Variants in MCOLN3 observed in about 807,000 individuals in gnomAD.
The protein encoded by MCOLN3 is mucolipin TRP cation channel 3.
A neutral mutation model predicts 69.4 loss-of-function variants in MCOLN3; 62 were observed. The ratio of observed to expected loss-of-function variants is 0.89; its 90% CI spans 0.73 to 1.10. The LOEUF (loss-of-function observed/expected upper bound fraction) is 1.10. Among genes scored for constraint, MCOLN3 ranks in the 50% least tolerant of loss-of-function variants. The pLI, the probability that MCOLN3 is intolerant of heterozygous loss-of-function variation, is 0.00. For synonymous variants in MCOLN3, 183 were observed against 217.0 expected (o/e 0.84, Z 1.38); for missense variants, 564 against 656.4 (o/e 0.86, Z 1.54).
At chr1:85,040,870 A>T in intron 3 of MCOLN3, 140 bp downstream of exon 3, 2 of 793,084 alleles carry the variant, frequency 2.5e-6, no homozygotes, top group Non-Finnish European at 3.7e-6. Flanking sequence ...TTAAAAAATT[A>T]AAAATAATTT....
At chr1:85,022,533 T>C in intron 9 of MCOLN3, 133 bp from the exon 10 acceptor site, 1 of 607,136 alleles carries the variant, frequency 1.6e-6, no homozygotes, top group Non-Finnish European at 2.9e-6. Flanking sequence ...AAGTCTCTGC[T>C]CTCATAAAGC....
intron 11 of MCOLN3, 76 bp from the exon 12 acceptor site, chr1:85,021,352 TTAAACA>T: frequency 8.0e-7 from 1 of 1,249,576 alleles, no homozygotes; most frequent in Non-Finnish European, 1.1e-6. Flanking sequence ...TGACATTGTA[TTAAACA>T]TAAAGGGACC....
At position 85,018,493 on chromosome 1, in the gene MCOLN3, A is replaced by G. The variant is rs1651769068; in HGVS notation, c.*630T>C. The G allele has an allele frequency of 6.6e-6, 1 of 152,410 alleles. No individual in the cohort carries two copies. The allele number at this position is 152,410 out of a possible 1,614,324, so 9.4% of individuals were successfully genotyped here. On this transcript the variant is annotated 3_prime_UTR_variant, in exon 13 of 13. Transcript: ENST00000370589. ...ATACCATCTAGGTTTGTGGAAGTAC[A>G]TGCTATGATGTTTAATGACAAAATC...
intron 2 of MCOLN3, among the ~76,000 whole-genome samples, chr1:85,043,174 G>C (rs1389449771): frequency 6.6e-6 from 1 of 152,042 alleles, no homozygotes; most frequent in Admixed American, 6.5e-5. Flanking sequence ...TCCTTACCAA[G>C]ACCCTCATTG....
intron 1 of MCOLN3, among the ~76,000 whole-genome samples, 164 bp downstream of exon 1, chr1:85,048,232 C>G (rs1653490462): frequency 6.6e-6 from 1 of 152,022 alleles, no homozygotes; most frequent in South Asian, 2.1e-4. Flanking sequence ...CATCTCGCGC[C>G]CAGCTCCAGC....
intron 3 of MCOLN3, among the ~76,000 whole-genome samples, chr1:85,037,572 G>T (rs750268539): frequency 1.6e-4 from 25 of 152,300 alleles, no homozygotes; most frequent in Non-Finnish European, 3.5e-4. Context: ...ACATAGTTAC[G>T]TTATATAATA....
At chr1:85,040,681 C>T (rs994688087) in intron 3 of MCOLN3, among the ~76,000 whole-genome samples, 1 of 152,066 alleles carries the variant, frequency 6.6e-6, no homozygotes, top group African/African-American at 2.4e-5. Context: ...ACTTTCAGCT[C>T]TGAGGACTTA....
chr1:85,034,189 T>A lies in MCOLN3; in HGVS notation c.459A>T (p.Gln153His). The change falls in exon 4 of 13, where the codon CAA (glutamine) becomes CAT (histidine). Residue 153 changes from glutamine to histidine, a missense_variant. By Grantham distance (24) the Gln-to-His change is conservative (BLOSUM62 0). Coordinates refer to ENST00000370589, the MANE Select transcript of MCOLN3 (RefSeq NM_018298.11). ...AGTGCTGACAGATTGCCATAGCAGA[T>A]TGCTTGGTACCTTTGTTCTCATAAG... The part of the protein sequence containing the change: ...NHAYENKGTK[Q>H]SAMAICQHFY... 1 of 1,614,214 alleles carries A rather than the reference T, an allele frequency of 6.2e-7. No individual in the cohort carries two copies. The highest frequency in any genetic ancestry group is 8.5e-7 in the Non-Finnish European group (1 of 1,180,018).
rs770382295 is a variant in MCOLN3, at chr1:85,019,152, C to T, written c.1633G>A (p.Val545Ile). ...TTTTTACAACAGCAGAATAAAGATA[C>T]TGGAGGGTCATCTTCTAATCTGTAT... is the stretch of plus-strand genomic sequence containing the variant. ...GKYRLEDDPP[V>I]SLFCCCKK is the part of the protein sequence containing the mutation. Residue 545 changes from valine (V) to isoleucine (I), a missense_variant, in exon 13 of 13, where the codon GTA becomes ATA. Coordinates refer to ENST00000370589, the MANE Select transcript of MCOLN3 (RefSeq NM_018298.11). 1 of 1,613,604 alleles carries T rather than the reference C, an allele frequency of 6.2e-7. No individual in the cohort carries two copies.
chr1:85,045,965 G>A (rs1275330207), intron 1 of MCOLN3, among the ~76,000 whole-genome samples: 4 of 152,186 alleles, frequency 2.6e-5, no homozygotes, highest in Admixed American at 1.3e-4. Flanking sequence ...TTCCTCTCCA[G>A]CAAAATGGGA....
intron 4 of MCOLN3, among the ~76,000 whole-genome samples, chr1:85,033,615 C>T (rs768908549): frequency 1.3e-5 from 2 of 152,134 alleles, no homozygotes; most frequent in Non-Finnish European, 2.9e-5. Context: ...TCATTCCTCC[C>T]CTTCAATCTA....
intron 1 of MCOLN3, among the ~76,000 whole-genome samples, chr1:85,046,821 G>A (rs1557696558): frequency 6.6e-6 from 1 of 152,192 alleles, no homozygotes; most frequent in Non-Finnish European, 1.5e-5. Context: ...GGCAAATGCA[G>A]TACCTTCAAA....
At chr1:85,034,449 G>A (rs959321355) in intron 3 of MCOLN3, among the ~76,000 whole-genome samples, 198 bp from the exon 4 acceptor site, 3 of 152,172 alleles carry the variant, frequency 2.0e-5, no homozygotes, top group African/African-American at 7.2e-5. Flanking sequence ...CTAGATTCAA[G>A]CCTCATTTCT....
intron 9 of MCOLN3, 109 bp from the exon 10 acceptor site, chr1:85,022,509 C>A: frequency 1.5e-6 from 1 of 688,066 alleles, no homozygotes; most frequent in Non-Finnish European, 2.5e-6. Context: ...AAGGATAAAG[C>A]AGTGAACAAA....
At chr1:85,045,606 G>A (rs1330760372) in intron 1 of MCOLN3, among the ~76,000 whole-genome samples, 1 of 152,084 alleles carries the variant, frequency 6.6e-6, no homozygotes, top group Non-Finnish European at 1.5e-5. Flanking sequence ...AAATTCAAGG[G>A]CTGCTCCCAT....
chr1:85,046,693 C>T (rs1653370344), intron 1 of MCOLN3, among the ~76,000 whole-genome samples: 1 of 152,164 alleles, frequency 6.6e-6, no homozygotes, highest in African/African-American at 2.4e-5. Context: ...CCCAACATCT[C>T]CGAACAATAG....
Position 85,022,373 on chromosome 1 carries a change from T to G in MCOLN3, c.1123A>C (p.Ile375Leu). Residue 375 changes from isoleucine (I) to leucine (L), a missense_variant, in exon 10 of 13, where the codon ATA becomes CTA. Physicochemically the swap from Ile to Leu is conservative, Grantham distance 5 (BLOSUM62 2). Transcript: ENST00000370589. ...AGCATGGTAGAAGTCCCAAGAAGTA[T>G]GCTACAGACATCATAACTAGTTAGA... ...KSLTSYDVCSILLGTSTMLVW... is the reference protein window; with the variant it reads ...KSLTSYDVCSLLLGTSTMLVW... The G allele has an allele frequency of 1.2e-6, 2 of 1,612,506 alleles. No individual in the cohort carries two copies. Among genetic ancestry groups the G allele is most frequent in the Non-Finnish European group, 1.7e-6 (2 of 1,178,732 alleles).
chr1:85,020,255 C>A (rs933677501), intron 12 of MCOLN3, among the ~76,000 whole-genome samples: 1 of 152,162 alleles, frequency 6.6e-6, no homozygotes, highest in Non-Finnish European at 1.5e-5. Context: ...GAAGTCACAG[C>A]CCTGGCTTCA....
intron 9 of MCOLN3, chr1:85,023,506 A>C (rs1481038220): frequency 6.6e-6 from 1 of 152,194 alleles, no homozygotes; most frequent in Non-Finnish European, 1.5e-5. Flanking sequence ...CATTAACCGA[A>C]ATTTGAAAGG....
Sources: gnomAD v4.1 joint callset for allele counts (sites outside exome capture counted in the v4.1 genomes callset) on GRCh38, gnomAD v4.1.1 for gene constraint, MANE v1.5 for transcripts, NCBI Gene and HGNC (gene_info 2026-07-23, HGNC 2026-07-21) for gene names.